Variants in MADD observed in about 807,000 individuals in gnomAD.
MADD encodes the protein MAP kinase-activating death domain protein.
In MADD, 109 loss-of-function variants were observed where a neutral mutation model predicts 176.7. The observed-to-expected ratio is 0.62, with a 90% CI of 0.53 to 0.72. The LOEUF (loss-of-function observed/expected upper bound fraction) is 0.72. Among genes scored for constraint, MADD ranks in the 30% least tolerant of loss-of-function variants. The pLI, the probability that MADD is intolerant of heterozygous loss-of-function variation, is 0.00. For synonymous variants in MADD, 771 were observed against 771.3 expected (o/e 1.00, Z 0.01); for missense variants, 1,914 against 2,045.5 (o/e 0.94, Z 1.24).
At chr11:47,295,182 G>C (rs1006916635) in intron 20 of MADD, among the ~76,000 whole-genome samples, 4 of 151,614 alleles carry the variant, frequency 2.6e-5, no homozygotes. Flanking sequence ...GGCTAAGTTT[G>C]TGTATTTTTT....
chr11:47,285,606 T>C lies in MADD; in HGVS notation c.2551+16T>C. 6.2e-7 allele frequency: 1 copy of C among 1,613,934 alleles called. No individual in the cohort carries two copies. Among genetic ancestry groups the C allele is most frequent in the African/African-American group, 1.3e-5 (1 of 75,068 alleles). Reference sequence around the variant, plus strand: ...TCTTTTGCCAGTAAGTGCCTTCAGCTGTCTCTCTCACTCCTGTGTTCCATT... The same window carrying C: ...TCTTTTGCCAGTAAGTGCCTTCAGCCGTCTCTCTCACTCCTGTGTTCCATT... On this transcript the variant is annotated intron_variant, in intron 14 of 32. Coordinates refer to ENST00000402192, the Ensembl canonical transcript of MADD.
intron 21 of MADD, 138 bp downstream of exon 23, chr11:47,295,717 G>T: frequency 6.5e-7 from 1 of 1,543,086 alleles, no homozygotes; most frequent in East Asian, 2.3e-5. Flanking sequence ...TACCATCATA[G>T]GTGTGTGTAT....
Position 47,281,608 on chromosome 11 carries a change from A to G in MADD, c.1324A>G (p.Ile442Val), listed in dbSNP as rs1251009173. The G allele has an allele frequency of 1.9e-6, 3 of 1,612,632 alleles. No homozygotes were observed. The highest frequency in any genetic ancestry group is 1.7e-6 in the Non-Finnish European group (2 of 1,179,254). Reference sequence around the variant, plus strand: ...CAGCATGAGTCTCAACACCCAGCCCATCCTCAATCTGGAGAAATTTCATGA... The same window carrying G: ...CAGCATGAGTCTCAACACCCAGCCCGTCCTCAATCTGGAGAAATTTCATGA... The change falls in exon 8 of 33, where the codon ATC becomes GTC. Residue 442 changes from isoleucine to valine, a missense_variant. Around this residue, in one of 2 missense-constraint regions of MADD, gnomAD observed 1,767 missense variants for 1,836.0 expected, o/e 0.96. Transcript: ENST00000402192.
chr11:47,294,324 G>A (rs1171771214), intron 20 of MADD, among the ~76,000 whole-genome samples: 2 of 149,440 alleles, frequency 1.3e-5, no homozygotes, highest in Non-Finnish European at 3.0e-5. Context: ...CTCCAGCCTG[G>A]GCAACAAAGG....
chr11:47,293,757 G>A, intron 19 of MADD, 126 bp from the exon 22 acceptor site: 4 of 639,258 alleles, frequency 6.3e-6, no homozygotes. Flanking sequence ...GTGGGGGGTA[G>A]TCCTTGGAAA....
intron 31 of MADD, chr11:47,327,212 C>G (rs1428093442): frequency 1.0e-6 from 1 of 1,003,750 alleles, no homozygotes; most frequent in African/African-American, 1.7e-5. Context: ...CTCCCTGGCG[C>G]CGCTCTGGTC....
intron 19 of MADD, 152 bp downstream of exon 20, chr11:47,290,968 TTG>T (rs1354879706): frequency 9.4e-6 from 6 of 640,208 alleles, no homozygotes; most frequent in Non-Finnish European, 1.6e-5. Flanking sequence ...TGGTGTTTCT[TTG>T]TACTTCTCTA....
chr11:47,328,707 G>A lies in MADD; in HGVS notation c.4659+3G>A, dbSNP rs1194244422. The A allele has an allele frequency of 1.2e-6, 2 of 1,614,076 alleles. No homozygotes were observed. The highest frequency in any genetic ancestry group is 1.7e-6 in the Non-Finnish European group (2 of 1,180,034). ...GCCACAAGTACAAGACACCAATGGT[G>A]AGTGTGCCGCTCAACCCTGATGGGC... On this transcript the variant is annotated splice_donor_region_variant and intron_variant, in intron 32 of 32. Coordinates refer to ENST00000402192, the Ensembl canonical transcript of MADD.
exon 3 of MADD, chr11:47,274,820 A>G (rs951737290): frequency 6.2e-7 from 1 of 1,614,174 alleles, no homozygotes; most frequent in Non-Finnish European, 8.5e-7. Flanking sequence ...CGAATCTCTA[A>G]GGAGAAGGGG....
chr11:47,311,046 G>C (rs1446781135), intron 25 of MADD, among the ~76,000 whole-genome samples: 3 of 152,128 alleles, frequency 2.0e-5, no homozygotes, highest in Admixed American at 2.0e-4. Flanking sequence ...GGTTGTACTT[G>C]GTTTTATAGC....
rs1594497673 is a variant in MADD, at chr11:47,309,756, C to A, written c.3978+144C>A. On this transcript the variant is annotated intron_variant, in intron 25 of 32. Transcript: ENST00000402192. Reference sequence around the variant, plus strand: ...TCTTGATTGAAAGTCTGAGGCCTCTCTGCCAGCTTACAAATGTTCCATTTA... The same window carrying A: ...TCTTGATTGAAAGTCTGAGGCCTCTATGCCAGCTTACAAATGTTCCATTTA... The A allele has an allele frequency of 9.5e-6, 6 of 629,740 alleles. No homozygotes were observed. In the East Asian group the frequency reaches 1.6e-4, roughly 17 times the overall value. 39.0% of individuals were successfully genotyped at this position (629,740 alleles called of 1,614,324 possible). A position where few individuals can be genotyped will look rare whatever the true frequency, so the allele number is the denominator to read the frequency against.
At chr11:47,289,152 C>A (rs370055084) in intron 15 of MADD, 125 bp downstream of exon 16, 8 of 1,017,192 alleles carry the variant, frequency 7.9e-6, no homozygotes, top group East Asian at 2.4e-5. Context: ...GCCCCGTCCC[C>A]CGTGACGCCC....
chr11:47,272,986 AT>A (rs1230015247), intron 1 of MADD, among the ~76,000 whole-genome samples: 2 of 152,234 alleles, frequency 1.3e-5, no homozygotes, highest in Non-Finnish European at 2.9e-5. Context: ...CAATTGGGGC[AT>A]GGACATTTTC....
At chr11:47,319,221 C>A (rs551945019) in intron 27 of MADD, among the ~76,000 whole-genome samples, 46 of 151,046 alleles carry the variant, frequency 3.0e-4, no homozygotes, top group African/African-American at 1.1e-3. Flanking sequence ...AACATCCACC[C>A]ACCGACTTCA....
chr11:47,324,144 G>T, intron 28 of MADD, 121 bp from the exon 32 acceptor site: 1 of 802,038 alleles, frequency 1.2e-6, no homozygotes. Context: ...CGAAAAATAG[G>T]AGGACTACTT....
chr11:47,285,078 G>A (rs61731959), exon 13 of MADD: 1 of 1,614,110 alleles, frequency 6.2e-7, no homozygotes. Context: ...CAGTGCGCCG[G>A]CGAATCTATG....
chr11:47,274,025 A>G lies in MADD; in HGVS notation c.62+49A>G, dbSNP rs187524654. On this transcript the variant is annotated intron_variant, in intron 2 of 32. Coordinates refer to ENST00000402192, the Ensembl canonical transcript of MADD. ...TGTCTTAATATCTGGGATAGCCATA[A>G]AATCTGCAGTTGTTCCCTTCTCCGA... 3.4e-5 allele frequency: 53 copies of G among 1,537,078 alleles called. 1 individual carries two copies. In the East Asian group the frequency reaches 1.1e-3, roughly 32 times the overall value.
chr11:47,326,861 C>T (rs2095503171), intron 31 of MADD, 54 bp downstream of exon 35: 3 of 1,609,864 alleles, frequency 1.9e-6, no homozygotes, highest in Admixed American at 3.4e-5. Flanking sequence ...TAACTCAAAC[C>T]TCGGAGCTCC....
At chr11:47,313,630 T>C (rs1359629517) in intron 26 of MADD, among the ~76,000 whole-genome samples, 1 of 152,046 alleles carries the variant, frequency 6.6e-6, no homozygotes, top group Non-Finnish European at 1.5e-5. Flanking sequence ...ATTTTCTAAA[T>C]ACCAATGTAT....
Sources: gnomAD v4.1 joint callset for allele counts (sites outside exome capture counted in the v4.1 genomes callset) on GRCh38, gnomAD v4.1.1 for gene constraint, gnomAD v4.1.1 regional missense constraint, MANE v1.5 for transcripts, NCBI Gene and HGNC (gene_info 2026-07-23, HGNC 2026-07-21) for gene names.